Variants in TTC1 observed in about 807,000 individuals in gnomAD.
The protein encoded by TTC1 is tetratricopeptide repeat protein 1.
Under a neutral mutation model 37.6 loss-of-function variants are expected in TTC1, and 31 were observed. That is an observed-to-expected ratio of 0.82 (90% CI 0.62 to 1.11). The LOEUF is 1.11. Among genes scored for constraint, TTC1 ranks in the 50% most tolerant of loss-of-function variants. The pLI, the probability that TTC1 is intolerant of heterozygous loss-of-function variation, is 0.00. For missense variants in TTC1, 351 were observed against 339.0 expected, an observed-to-expected ratio of 1.04 and a Z score of -0.28; for synonymous variants, 127 against 122.4, an observed-to-expected ratio of 1.04 and a Z score of -0.25.
In TTC1 at chr5:160,010,743, A is replaced by G; in HGVS notation, c.215A>G (p.Glu72Gly). The G allele has an allele frequency of 6.2e-7, 1 of 1,614,124 alleles. No individual in the cohort carries two copies. The highest frequency in any genetic ancestry group is 8.5e-7 in the Non-Finnish European group (1 of 1,179,992). The change falls in exon 2 of 8, where the codon GAG becomes GGG. Residue 72 changes from glutamate to glycine, a missense_variant. Transcript: ENST00000231238. ...CFHDCSASFE[E>G]EPGADKVENK... ...CATGACTGCAGTGCCTCATTTGAGG[A>G]GGAGCCAGGAGCGGACAAGGTTGAG...
chr5:160,016,946 T>C (rs1440966838), intron 2 of TTC1, among the ~76,000 whole-genome samples: 1 of 152,158 alleles, frequency 6.6e-6, no homozygotes, highest in South Asian at 2.1e-4. Flanking sequence ...CAAGAATAAT[T>C]GAGGAGGAAA....
intron 1 of TTC1, among the ~76,000 whole-genome samples, chr5:160,010,257 C>CAAAAAA (rs397882520): frequency 7.9e-5 from 4 of 50,326 alleles, no homozygotes; most frequent in African/African-American, 1.6e-4. Context: ...GATTAAGTCT[C>CAAAAAA]AAAAAAAAAA....
chr5:160,028,492 T>G (rs1756848843), intron 2 of TTC1, among the ~76,000 whole-genome samples: 1 of 152,130 alleles, frequency 6.6e-6, no homozygotes, highest in Non-Finnish European at 1.5e-5. Flanking sequence ...ATTCTTTTTA[T>G]TTTTATTTTG....
intron 2 of TTC1, among the ~76,000 whole-genome samples, chr5:160,018,923 T>G (rs142215316): frequency 6.6e-6 from 1 of 152,182 alleles, no homozygotes; most frequent in East Asian, 1.9e-4. Context: ...GTGGATTCGA[T>G]TGGCGGGATG....
chr5:160,013,160 C>T (rs1162814186), intron 2 of TTC1, among the ~76,000 whole-genome samples: 2 of 152,270 alleles, frequency 1.3e-5, no homozygotes, highest in East Asian at 3.9e-4. Flanking sequence ...GCCACTGACT[C>T]TACTTTAAGG....
At chr5:160,061,851 G>C (rs1343602701) in intron 7 of TTC1, 1 of 152,352 alleles carries the variant, frequency 6.6e-6, no homozygotes, top group South Asian at 2.1e-4. Flanking sequence ...GGAAAATGGG[G>C]CTGGGAGCTG....
At chr5:160,031,138 A>G (rs1371618551) in intron 2 of TTC1, among the ~76,000 whole-genome samples, 1 of 152,210 alleles carries the variant, frequency 6.6e-6, no homozygotes, top group Non-Finnish European at 1.5e-5. Context: ...GCTGGGAAAT[A>G]GTTCAACTTT....
intron 7 of TTC1, chr5:160,061,873 C>G (rs1348330579): frequency 2.6e-5 from 4 of 152,234 alleles, no homozygotes; most frequent in Admixed American, 2.6e-4. Flanking sequence ...AGGCTGTTGG[C>G]AGAGTTGGCA....
At chr5:160,022,097 TTGTC>T (rs1462551615) in intron 2 of TTC1, among the ~76,000 whole-genome samples, 3 of 152,218 alleles carry the variant, frequency 2.0e-5, no homozygotes, top group African/African-American at 7.2e-5. Flanking sequence ...TTCCCCCTGT[TTGTC>T]TGTTGAGCAC....
intron 2 of TTC1, among the ~76,000 whole-genome samples, chr5:160,021,569 A>G (rs1296027947): frequency 3.9e-5 from 6 of 152,334 alleles, no homozygotes; most frequent in Admixed American, 3.9e-4. Flanking sequence ...GAAGGATAAC[A>G]CCTACTGAGA....
At chr5:160,051,239 A>T in intron 7 of TTC1, 56 bp downstream of exon 7, 1 of 1,441,892 alleles carries the variant, frequency 6.9e-7, no homozygotes, top group East Asian at 2.3e-5. Context: ...TAGGGTGGGG[A>T]CATAGCGAAT....
chr5:160,010,644 A>G lies in TTC1; in HGVS notation c.116A>G (p.Gln39Arg). ...AGPPVPDPKN[Q>R]HSQSKLLRDD... is the part of the protein sequence containing the mutation. Reference sequence around the variant, plus strand: ...CCTCCAGTTCCTGATCCCAAAAATCAGCATTCCCAGAGTAAGCTGCTCAGG... The same window carrying G: ...CCTCCAGTTCCTGATCCCAAAAATCGGCATTCCCAGAGTAAGCTGCTCAGG... The change falls in exon 2 of 8, where the codon CAG becomes CGG. Residue 39 changes from glutamine (Q) to arginine (R), a missense_variant. Physicochemically the swap from Gln to Arg is conservative, Grantham distance 43. Coordinates refer to ENST00000231238, the MANE Select transcript of TTC1 (RefSeq NM_003314.3). The G allele has an allele frequency of 1.2e-6, 2 of 1,614,084 alleles. No individual in the cohort carries two copies. Among genetic ancestry groups the G allele is most frequent in the Non-Finnish European group, 1.7e-6 (2 of 1,179,970 alleles).
intron 2 of TTC1, among the ~76,000 whole-genome samples, chr5:160,026,360 T>C (rs1756805060): frequency 6.6e-6 from 1 of 152,216 alleles, no homozygotes; most frequent in Non-Finnish European, 1.5e-5. Context: ...TTTCCATATG[T>C]ATTGTACCTC....
chr5:160,039,275 G>T (rs929951384), intron 4 of TTC1: 3 of 146,818 alleles, frequency 2.0e-5, no homozygotes, highest in South Asian at 4.3e-4. Flanking sequence ...AAAAGAGTAG[G>T]TTCTCTTTTT....
In TTC1 at chr5:160,021,464, A is replaced by G. The variant is rs141680512; in HGVS notation, c.330+10606A>G. Among the ~76,000 whole-genome samples, 411 of 152,342 alleles carry G rather than the reference A, an allele frequency of 2.7e-3. 2 individuals are homozygous for G. Among genetic ancestry groups the G allele is most frequent in the African/African-American group, 9.6e-3 (399 of 41,576 alleles). ...CTGACATAGAAAATTTATTTCTGTT[A>G]AAGATTGAGTTTTGGGAAATAGAAT... is the stretch of plus-strand genomic sequence containing the variant. On this transcript the variant is annotated intron_variant, in intron 2 of 7. Transcript: ENST00000231238.
chr5:160,050,717 C>G (rs910781743), intron 6 of TTC1, among the ~76,000 whole-genome samples: 10 of 151,552 alleles, frequency 6.6e-5, no homozygotes, highest in African/African-American at 2.2e-4. Flanking sequence ...CCTCAACCTC[C>G]CAGATTCAAG....
chr5:160,035,387 A>T (rs1756984368), intron 3 of TTC1, among the ~76,000 whole-genome samples, 187 bp downstream of exon 3: 1 of 152,252 alleles, frequency 6.6e-6, no homozygotes, highest in South Asian at 2.1e-4. Flanking sequence ...GATGGTGACC[A>T]GTTACCATTT....
chr5:160,050,701 C>G (rs986393080), intron 6 of TTC1, among the ~76,000 whole-genome samples: 10 of 147,306 alleles, frequency 6.8e-5, no homozygotes, highest in African/African-American at 2.3e-4. Context: ...TCATGGCATA[C>G]TGCACCCTCA....
intron 2 of TTC1, among the ~76,000 whole-genome samples, chr5:160,018,923 T>C (rs142215316): frequency 1.3e-5 from 2 of 152,300 alleles, no homozygotes; most frequent in East Asian, 3.9e-4. Flanking sequence ...GTGGATTCGA[T>C]TGGCGGGATG....
Sources: allele counts gnomAD v4.1 joint callset (sites outside exome capture counted in the v4.1 genomes callset), GRCh38; gene constraint gnomAD v4.1.1; transcripts MANE v1.5; gene names NCBI Gene and HGNC (gene_info 2026-07-23, HGNC 2026-07-21).